TEX30: variants seen among roughly 807,000 people sequenced by gnomAD.
TEX30 encodes the protein testis-expressed protein 30.
In TEX30, 14 loss-of-function variants were observed where a neutral mutation model predicts 23.8. The ratio of observed to expected loss-of-function variants is 0.59; its 90% CI spans 0.39 to 0.92. The LOEUF is 0.92. Among genes scored for constraint, TEX30 ranks in the 40% least tolerant of loss-of-function variants. The pLI is 0.00. For missense variants in TEX30, 246 were observed against 270.6 expected (o/e 0.91, Z 0.64); for synonymous variants, 78 against 90.2 (o/e 0.87, Z 0.76).
chr13:102,769,357 T>C lies in TEX30; in HGVS notation c.200A>G (p.Lys67Arg), dbSNP rs1877140179. The C allele has an allele frequency of 1.9e-6, 3 of 1,598,696 alleles. No homozygotes were observed. The East Asian group carries it at 6.7e-5, about 36-fold the overall frequency. The change falls in exon 3 of 6, where the codon AAA (lysine) becomes AGA (arginine). Residue 67 changes from lysine to arginine, a missense_variant. Coordinates refer to ENST00000376032, the MANE Select transcript of TEX30 (RefSeq NM_138779.5). ...HGFFCLRFTC[K>R]GLNIVHRIKA... ...AATTCTATGTACAATATTAAGGCCT[T>C]TACAGGTAAATCTCAGGCAGAAAAA...
intron 3 of TEX30, among the ~76,000 whole-genome samples, chr13:102,768,806 C>CA (rs1242447442): frequency 2.0e-5 from 3 of 151,698 alleles, no homozygotes; most frequent in Non-Finnish European, 4.4e-5. Context: ...AAAAAAATTG[C>CA]AAAAAAAATC....
chr13:102,772,316 T>A (rs1877383843), intron 1 of TEX30, among the ~76,000 whole-genome samples: 1 of 152,130 alleles, frequency 6.6e-6, no homozygotes, highest in Non-Finnish European at 1.5e-5. Flanking sequence ...TTATTATTTT[T>A]AAATGTTTTT....
Position 102,769,308 on chromosome 13 carries a change from T to A in TEX30, c.246+3A>T. 4 of 1,509,064 alleles carry A rather than the reference T, an allele frequency of 2.7e-6. No homozygotes were observed. Among genetic ancestry groups the A allele is most frequent in the Non-Finnish European group, 3.5e-6 (4 of 1,132,760 alleles). The allele number at this position is 1,509,064 out of a possible 1,614,324, so 93.5% of individuals were successfully genotyped here. A position where few individuals can be genotyped will look rare whatever the true frequency, so the allele number is the denominator to read the frequency against. ...ATAAGTAAATATAAAGAAATTTTCT[T>A]ACCAAAACTGATTTATACGCCTTAA... On this transcript the variant is annotated splice_donor_region_variant and intron_variant, in intron 3 of 5. Transcript: ENST00000376032.
chr13:102,767,327 AC>A lies in TEX30; in HGVS notation c.449del (p.Arg150LeufsTer2), dbSNP rs1876961730. 1.9e-6 allele frequency: 3 copies of A among 1,614,002 alleles called. No individual in the cohort carries two copies. The highest frequency in any genetic ancestry group is 1.7e-5 in the Admixed American group (1 of 60,004). ...QHKLRDEDLF[R>X]LKEPVLFVSG... ...ACACAAACAGTACAGGCTCTTTTAA[AC>A]GAAAGAGGTCTTCATCTCTGAGTTT... is the stretch of plus-strand genomic sequence containing the variant. On this transcript the variant is annotated frameshift_variant, in exon 5 of 6. Transcript: ENST00000376032. LOFTEE classifies it high-confidence loss of function.
intron 1 of TEX30, chr13:102,773,357 C>T (rs1440366563): frequency 6.6e-6 from 1 of 152,170 alleles, no homozygotes; most frequent in African/African-American, 2.4e-5. Context: ...CGCGGGCTGC[C>T]CCGGTCGACC....
At chr13:102,771,543 G>A (rs1265704819) in intron 1 of TEX30, among the ~76,000 whole-genome samples, 1 of 152,130 alleles carries the variant, frequency 6.6e-6, no homozygotes, top group Non-Finnish European at 1.5e-5. Context: ...CTGTGTGTGT[G>A]AGCGTGTAGA....
intron 4 of TEX30, among the ~76,000 whole-genome samples, chr13:102,767,912 CA>C (rs112430145): frequency 2.1e-5 from 3 of 145,470 alleles, no homozygotes; most frequent in African/African-American, 2.5e-5. Context: ...GACTCTGTCT[CA>C]AAAAAAAAGC....
chr13:102,770,458 C>T (rs1041991228), intron 1 of TEX30, among the ~76,000 whole-genome samples: 2 of 152,160 alleles, frequency 1.3e-5, no homozygotes, highest in African/African-American at 4.8e-5. Flanking sequence ...TTTCCATTAA[C>T]CCATTTTCTT....
intron 2 of TEX30, 60 bp downstream of exon 2, chr13:102,769,952 T>C (rs1877201606): frequency 2.2e-6 from 3 of 1,346,428 alleles, no homozygotes; most frequent in Non-Finnish European, 2.9e-6. Context: ...TGAAGCCACA[T>C]AATTACAAAC....
At position 102,766,266 on chromosome 13, in the gene TEX30, A is replaced by AT; in HGVS notation, c.*134dup. On this transcript the variant is annotated 3_prime_UTR_variant, in exon 6 of 6. Transcript: ENST00000376032. ...ATTTTGTGAAGGACATTAATTTCACATTTAAAACGTGTTTCAAAAATAAGG... is the reference window on the plus strand; with the variant it reads ...ATTTTGTGAAGGACATTAATTTCACATTTTAAAACGTGTTTCAAAAATAAGG... 1 of 704,742 alleles carries AT rather than the reference A, an allele frequency of 1.4e-6. No individual in the cohort carries two copies. The highest frequency in any genetic ancestry group is 2.2e-6 in the Non-Finnish European group (1 of 459,726). The allele number at this position is 704,742 out of a possible 1,614,324, so 43.7% of individuals were successfully genotyped here.
Position 102,766,534 on chromosome 13 carries a change from A to G in TEX30, c.551T>C (p.Ile184Thr). ...VAQKMQAPHK[I>T]HWIEKANHSM... Reference sequence around the variant, plus strand: ...ATGATTTGCCTTCTCAATCCAGTGGATTTTATGGGGAGCTTGCATTTTCTG... The same window carrying G: ...ATGATTTGCCTTCTCAATCCAGTGGGTTTTATGGGGAGCTTGCATTTTCTG... The change falls in exon 6 of 6, where the codon ATC becomes ACC. Residue 184 changes from isoleucine (I) to threonine (T), a missense_variant. Transcript: ENST00000376032. 6.2e-7 allele frequency: 1 copy of G among 1,613,576 alleles called. No individual in the cohort carries two copies. Among genetic ancestry groups the G allele is most frequent in the Non-Finnish European group, 8.5e-7 (1 of 1,179,782 alleles).
At chr13:102,772,412 C>T (rs1015944221) in intron 1 of TEX30, among the ~76,000 whole-genome samples, 1 of 152,042 alleles carries the variant, frequency 6.6e-6, no homozygotes, top group Non-Finnish European at 1.5e-5. Context: ...CCTCCCAAAC[C>T]GTTGGGATCC....
chr13:102,772,271 T>G (rs9514053), intron 1 of TEX30, among the ~76,000 whole-genome samples: 44,263 of 151,802 alleles, frequency 0.29, 7,637 homozygotes, highest in East Asian at 0.52. Flanking sequence ...GCCTCTTGAG[T>G]AGGTGGGACT....
intron 1 of TEX30, 79 bp from the exon 2 acceptor site, chr13:102,770,165 T>A (rs112245981): frequency 0.011 from 4,909 of 459,392 alleles, 49 homozygotes; most frequent in Non-Finnish European, 0.014. Context: ...ACACATTCAG[T>A]AGCTAAAATA....
At chr13:102,768,363 A>C in intron 3 of TEX30, 52 bp from the exon 4 acceptor site, 1 of 1,303,586 alleles carries the variant, frequency 7.7e-7, no homozygotes, top group Non-Finnish European at 1.1e-6. Context: ...ATTCCACTGG[A>C]AAGGCAAGAT....
At chr13:102,771,714 T>C (rs780003973) in intron 1 of TEX30, among the ~76,000 whole-genome samples, 2 of 152,230 alleles carry the variant, frequency 1.3e-5, no homozygotes, top group Non-Finnish European at 2.9e-5. Context: ...AAAGATCCTC[T>C]GTTTTACTTT....
chr13:102,769,142 A>C lies in TEX30; in HGVS notation c.246+169T>G, dbSNP rs561826137. ...ATTCATCTCCATGGAAACTGATGAC[A>C]AGGGAAATCTGACGACTAAAAAGCT... On this transcript the variant is annotated intron_variant, in intron 3 of 5. Coordinates refer to ENST00000376032, the MANE Select transcript of TEX30 (RefSeq NM_138779.5). Among the ~76,000 whole-genome samples the C allele has an allele frequency of 2.0e-5, 3 of 152,328 alleles. No individual in the cohort carries two copies. The East Asian group carries it at 5.8e-4, about 29-fold the overall frequency.
In TEX30 at chr13:102,768,328, A is replaced by G. The variant is rs1566426354; in HGVS notation, c.247-17T>C. 1.3e-6 allele frequency: 2 copies of G among 1,581,084 alleles called. No homozygotes were observed. The highest frequency in any genetic ancestry group is 2.3e-5 in the South Asian group (2 of 86,144). The stretch of plus-strand genomic sequence containing the variant: ...CAGGTAATTCTAGAAAAATAAAAAA[A>G]TCATCAGTTCTTCACCTATAAAATA... On this transcript the variant is annotated splice_polypyrimidine_tract_variant and intron_variant, in intron 3 of 5. Coordinates refer to ENST00000376032, the MANE Select transcript of TEX30 (RefSeq NM_138779.5).
rs889731527 is a variant in TEX30 at position 102,772,274 on chromosome 13, G to A, written c.-61+1408C>T. Among the ~76,000 whole-genome samples the A allele has an allele frequency of 7.9e-4, 120 of 152,126 alleles. 1 individual carries two copies. Among genetic ancestry groups the A allele is most frequent in the Admixed American group, 5.0e-3 (76 of 15,296 alleles). ...CCTCTCGCCTCAGCCTCTTGAGTAG[G>A]TGGGACTACAGACGCTCACCACCAC... On this transcript the variant is annotated intron_variant, in intron 1 of 5. Coordinates refer to ENST00000376032, the MANE Select transcript of TEX30 (RefSeq NM_138779.5).
Sources: allele counts gnomAD v4.1 joint callset (sites outside exome capture counted in the v4.1 genomes callset), GRCh38; gene constraint gnomAD v4.1.1; transcripts MANE v1.5; gene names NCBI Gene and HGNC (gene_info 2026-07-23, HGNC 2026-07-21).